VDAC3: variants seen among roughly 807,000 people sequenced by gnomAD.
VDAC3 encodes non-selective voltage-gated ion channel VDAC3.
VDAC3 carries 7 observed loss-of-function variants against 33.9 expected under a neutral mutation model. The observed-to-expected ratio is 0.21, with a 90% CI of 0.12 to 0.39. The LOEUF is 0.39. VDAC3 is among the 10% of genes least tolerant of loss of function. The probability of loss-of-function intolerance (pLI) is 1.00; values close to 1 mark genes in which losing one functional copy is unlikely to be tolerated. For synonymous variants in VDAC3, 100 were observed against 122.4 expected (o/e 0.82, Z 1.21); for missense variants, 261 against 334.5 (o/e 0.78, Z 1.71).
intron 3 of VDAC3, among the ~76,000 whole-genome samples, chr8:42,394,713 CTTAAA>C (rs1802274786): frequency 6.6e-6 from 1 of 152,032 alleles, no homozygotes; most frequent in African/African-American, 2.4e-5. Flanking sequence ...TAAAATTTAA[CTTAAA>C]TTTATGTGCT....
At chr8:42,392,961 T>G (rs765341054) in intron 1 of VDAC3, among the ~76,000 whole-genome samples, 1 of 152,232 alleles carries the variant, frequency 6.6e-6, no homozygotes, top group Non-Finnish European at 1.5e-5. Context: ...TACAAGGGAT[T>G]GAATTGTAAA....
At chr8:42,398,352 C>T (rs1171949034) in intron 4 of VDAC3, among the ~76,000 whole-genome samples, 1 of 152,122 alleles carries the variant, frequency 6.6e-6, no homozygotes, top group Non-Finnish European at 1.5e-5. Flanking sequence ...GCCTCCTGGG[C>T]TCAGGCTGGG....
At position 42,393,951 on chromosome 8, in the gene VDAC3, CTT is replaced by C. The variant is rs1264004820; in HGVS notation, c.-3+68_-3+69del. 21 of 475,128 alleles carry C rather than the reference CTT, an allele frequency of 4.4e-5. No individual in the cohort carries two copies. The South Asian group carries it at 4.5e-4, about 10-fold the overall frequency. 29.4% of individuals were successfully genotyped at this position (475,128 alleles called of 1,614,324 possible). A position where few individuals can be genotyped will look rare whatever the true frequency, so the allele number is the denominator to read the frequency against. On this transcript the variant is annotated intron_variant, in intron 2 of 9. Transcript: ENST00000022615. ...TAGCATCTTTTTCATCCTGTAAGAA[CTT>C]ACTTTTCTTTGAAATGCAATCAGAA...
intron 4 of VDAC3, among the ~76,000 whole-genome samples, chr8:42,398,200 C>T (rs1384260940): frequency 6.6e-6 from 1 of 151,940 alleles, no homozygotes; most frequent in Non-Finnish European, 1.5e-5. Flanking sequence ...TTAGGATTAC[C>T]ATTTGGTAAG....
chr8:42,400,418 C>T (rs1432262280), intron 6 of VDAC3, among the ~76,000 whole-genome samples: 2 of 151,692 alleles, frequency 1.3e-5, no homozygotes, highest in African/African-American at 2.4e-5. Context: ...GGTGATCTGG[C>T]TCTCAGATGC....
intron 7 of VDAC3, 182 bp from the exon 8 acceptor site, chr8:42,403,129 A>G: frequency 4.7e-6 from 3 of 635,988 alleles, no homozygotes; most frequent in Non-Finnish European, 8.0e-6. Context: ...TTAAGCAGTC[A>G]TTACTGGCAT....
At chr8:42,405,040 C>T in intron 9 of VDAC3, 116 bp downstream of exon 9, 1 of 941,740 alleles carries the variant, frequency 1.1e-6, no homozygotes, top group Non-Finnish European at 1.6e-6. Flanking sequence ...CATTTTGTAA[C>T]ATTTGGTTGT....
At chr8:42,399,779 A>AGCT in intron 6 of VDAC3, 76 bp downstream of exon 6, 1 of 1,405,690 alleles carries the variant, frequency 7.1e-7, no homozygotes. Flanking sequence ...AAGGAGATAT[A>AGCT]GTGCAAAGTT....
intron 5 of VDAC3, chr8:42,399,430 A>C (rs1802376488): frequency 2.4e-6 from 1 of 409,028 alleles, no homozygotes; most frequent in South Asian, 3.2e-5. Context: ...GTAACTTGCT[A>C]AAATAGGATT....
At chr8:42,393,677 T>G (rs1409535179) in intron 1 of VDAC3, 168 bp from the exon 2 acceptor site, 4 of 377,048 alleles carry the variant, frequency 1.1e-5, no homozygotes, top group Non-Finnish European at 1.9e-5. Flanking sequence ...TTATAGCACT[T>G]TAAGAAGAGC....
rs1259655500 is a variant in VDAC3 at position 42,401,987 on chromosome 8, G to T, written c.523G>T (p.Ala175Ser). The T allele has an allele frequency of 1.2e-6, 2 of 1,614,218 alleles. No homozygotes were observed. The highest frequency in any genetic ancestry group is 3.3e-5 in the Admixed American group (2 of 60,028). Residue 175 changes from alanine (A) to serine (S), a missense_variant, in exon 7 of 10, where the codon GCT becomes TCT. Ala to Ser is a moderately conservative substitution (Grantham distance 99, BLOSUM62 1). Transcript: ENST00000022615. ...SQNNFALGYK[A>S]ADFQLHTHVN... Reference sequence around the variant, plus strand: ...GAATAATTTCGCCCTGGGTTACAAGGCTGCGGACTTCCAGCTGCACACACA... The same window carrying T: ...GAATAATTTCGCCCTGGGTTACAAGTCTGCGGACTTCCAGCTGCACACACA...
chr8:42,398,988 C>T (rs973798178), intron 5 of VDAC3, 124 bp downstream of exon 5: 61 of 1,108,484 alleles, frequency 5.5e-5, no homozygotes, highest in Non-Finnish European at 7.4e-5. Flanking sequence ...TTTTTCTCTG[C>T]ATGTGGCCTT....
At position 42,402,951 on chromosome 8, in the gene VDAC3, A is replaced by T. The variant is rs558614999; in HGVS notation, c.552-360A>T. On this transcript the variant is annotated intron_variant, in intron 7 of 9. Coordinates refer to ENST00000022615, the MANE Select transcript of VDAC3 (RefSeq NM_005662.7). ...TACCTCTACCTTTTTATTTTTTTGC[A>T]GAATCTTTATTGAACTCTACTTTGA... 6 of 188,580 alleles carry T rather than the reference A, an allele frequency of 3.2e-5. No homozygotes were observed. The East Asian group carries it at 9.6e-4, about 30-fold the overall frequency. 11.7% of individuals were successfully genotyped at this position (188,580 alleles called of 1,614,324 possible).
At chr8:42,401,668 G>A in intron 6 of VDAC3, 120 bp from the exon 7 acceptor site, 3 of 875,674 alleles carry the variant, frequency 3.4e-6, no homozygotes, top group Non-Finnish European at 3.6e-6. Context: ...TATGTGGCAT[G>A]TACCAAAATA....
chr8:42,394,999 G>A, intron 3 of VDAC3, 85 bp from the exon 4 acceptor site: 1 of 1,518,952 alleles, frequency 6.6e-7, no homozygotes, highest in Non-Finnish European at 9.1e-7. Context: ...AGGTACTATA[G>A]GCTATTTCAT....
chr8:42,393,364 C>G lies in VDAC3; in HGVS notation c.-42-481C>G, dbSNP rs1043483982. Among the ~76,000 whole-genome samples the G allele has an allele frequency of 2.6e-5, 4 of 152,252 alleles. No homozygotes were observed. In the South Asian group the frequency reaches 8.3e-4, roughly 32 times the overall value. On this transcript the variant is annotated intron_variant, in intron 1 of 9. Transcript: ENST00000022615. ...GGGCTAATGGCACTGCTAGAGGTGG[C>G]TCTGTAATTGGTTAGACATAGCTTT...
chr8:42,395,382 A>T (rs984931354), intron 4 of VDAC3, among the ~76,000 whole-genome samples: 1 of 152,204 alleles, frequency 6.6e-6, no homozygotes, highest in Non-Finnish European at 1.5e-5. Context: ...ATATTTTTTG[A>T]CCCATGTCAT....
intron 6 of VDAC3, 115 bp from the exon 7 acceptor site, chr8:42,401,672 CA>C (rs1802415951): frequency 1.1e-6 from 1 of 930,664 alleles, no homozygotes; most frequent in African/African-American, 1.7e-5. Flanking sequence ...TGGCATGTAC[CA>C]AAATAATATT....
At position 42,403,359 on chromosome 8, in the gene VDAC3, G is replaced by A. The variant is rs1288256392; in HGVS notation, c.600G>A (p.Glu200=). 2 of 1,613,960 alleles carry A rather than the reference G, an allele frequency of 1.2e-6. No individual in the cohort carries two copies. The highest frequency in any genetic ancestry group is 8.5e-7 in the Non-Finnish European group (1 of 1,179,992). ...GTTCTATCTACCAGAAGGTGAATGA[G>A]AAGATTGAAACATCCATAAACCTTG... is the stretch of plus-strand genomic sequence containing the variant. ...FGGSIYQKVN[E]KIETSINLAW... is the part of the protein sequence containing the mutation. Residue 200 remains glutamate, a synonymous_variant, in exon 8 of 10, where the codon GAG becomes GAA. Coordinates refer to ENST00000022615, the MANE Select transcript of VDAC3 (RefSeq NM_005662.7).
Sources: allele counts gnomAD v4.1 joint callset (sites outside exome capture counted in the v4.1 genomes callset), GRCh38; gene constraint gnomAD v4.1.1; transcripts MANE v1.5; gene names NCBI Gene and HGNC (gene_info 2026-07-23, HGNC 2026-07-21).